The following CCDC198 variants were observed in gnomAD, a reference collection of about 807,000 sequenced individuals.
CCDC198 encodes the protein factor associated with metabolism and energy.
A neutral mutation model predicts 35.6 loss-of-function variants in CCDC198; 18 were observed. That is an observed-to-expected ratio of 0.51 (90% CI 0.35 to 0.75). The LOEUF is 0.75. Among genes scored for constraint, CCDC198 ranks in the 30% least tolerant of loss-of-function variants. CCDC198 has a pLI of 0.01. For synonymous variants in CCDC198, 119 were observed against 113.4 expected (o/e 1.05, Z -0.31); for missense variants, 365 against 343.7 (o/e 1.06, Z -0.49).
chr14:57,481,471 C>T, intron 4 of CCDC198, 88 bp downstream of exon 4: 3 of 871,802 alleles, frequency 3.4e-6, no homozygotes, highest in South Asian at 3.2e-5. Context: ...TAAGTAAAGA[C>T]TGGCTATCTA....
At chr14:57,472,240 C>T (rs1239067063) in intron 5 of CCDC198, among the ~76,000 whole-genome samples, 1 of 152,104 alleles carries the variant, frequency 6.6e-6, no homozygotes, top group Admixed American at 6.6e-5. Context: ...GAATACTCTT[C>T]TACCCTTTTC....
At chr14:57,479,318 G>A (rs1263571410) in intron 5 of CCDC198, among the ~76,000 whole-genome samples, 1 of 152,090 alleles carries the variant, frequency 6.6e-6, no homozygotes, top group Admixed American at 6.6e-5. Context: ...TGAAATCCTG[G>A]CCTCAGGTTG....
In CCDC198 at chr14:57,493,502, ATC is replaced by A; in HGVS notation, c.212_213del (p.Arg71IlefsTer11). 6.2e-7 allele frequency: 1 copy of A among 1,613,594 alleles called. No individual in the cohort carries two copies. The highest frequency in any genetic ancestry group is 8.5e-7 in the Non-Finnish European group (1 of 1,179,574). Reference sequence around the variant, plus strand: ...TGGGTTTTATGTTTACCTGTAGAATATCTTCCATACCAGTTTTCTTGTAAAGG... The same window carrying A: ...TGGGTTTTATGTTTACCTGTAGAATATTCCATACCAGTTTTCTTGTAAAGG... The part of the protein sequence containing the change: ...LPPLQENWYG[R>X]YSTASRDMYF... On this transcript the variant is annotated frameshift_variant, in exon 1 of 6. Coordinates refer to ENST00000216445, the MANE Select transcript of CCDC198 (RefSeq NM_018168.4). LOFTEE classifies it high-confidence loss of function.
At chr14:57,490,907 C>G in intron 2 of CCDC198, 82 bp downstream of exon 2, 1 of 1,272,226 alleles carries the variant, frequency 7.9e-7, no homozygotes, top group Non-Finnish European at 1.1e-6. Context: ...ATCAATATCC[C>G]TCTTTGATGA....
At chr14:57,477,667 G>A (rs145175479) in intron 5 of CCDC198, among the ~76,000 whole-genome samples, 167 of 152,178 alleles carry the variant, frequency 1.1e-3, no homozygotes, top group African/African-American at 3.9e-3. Context: ...ATTCAGATTC[G>A]GTAGGATGAA....
At position 57,479,078 on chromosome 14, in the gene CCDC198, T is replaced by C. The variant is rs1334853581; in HGVS notation, c.655+1517A>G. 2.5e-6 allele frequency: 3 copies of C among 1,222,714 alleles called. No homozygotes were observed. The East Asian group carries it at 1.7e-4, about 69-fold the overall frequency. The allele number at this position is 1,222,714 out of a possible 1,614,324, so 75.7% of individuals were successfully genotyped here. A position where few individuals can be genotyped will look rare whatever the true frequency, so the allele number is the denominator to read the frequency against. On this transcript the variant is annotated intron_variant, in intron 5 of 5. Coordinates refer to ENST00000216445, the MANE Select transcript of CCDC198 (RefSeq NM_018168.4). ...AATGGGGCTCTAATTGGTGGGGCAA[T>C]GTAGCGTAGAAGTTGTAGACAAGCC... is the stretch of plus-strand genomic sequence containing the variant.
At chr14:57,472,303 C>G (rs2066846485) in intron 5 of CCDC198, among the ~76,000 whole-genome samples, 1 of 152,188 alleles carries the variant, frequency 6.6e-6, no homozygotes, top group Non-Finnish European at 1.5e-5. Context: ...CCTCCTCTTT[C>G]TCCTCTTCTG....
intron 5 of CCDC198, chr14:57,475,599 C>A: frequency 5.2e-6 from 2 of 387,752 alleles, no homozygotes; most frequent in South Asian, 1.9e-5. Context: ...CCCAGCTACT[C>A]GGGAGGCTGA....
At chr14:57,481,939 G>A (rs557585096) in intron 3 of CCDC198, among the ~76,000 whole-genome samples, 1 of 152,102 alleles carries the variant, frequency 6.6e-6, no homozygotes, top group African/African-American at 2.4e-5. Context: ...TCTCATTTTT[G>A]GCAAGATATC....
At chr14:57,491,279 A>T (rs1430747771) in intron 1 of CCDC198, among the ~76,000 whole-genome samples, 5 of 152,074 alleles carry the variant, frequency 3.3e-5, no homozygotes, top group African/African-American at 1.2e-4. Flanking sequence ...TGGACCCAGG[A>T]TTTAATATCT....
chr14:57,491,295 C>T (rs902799291), intron 1 of CCDC198, among the ~76,000 whole-genome samples: 1 of 152,034 alleles, frequency 6.6e-6, no homozygotes, highest in African/African-American at 2.4e-5. Flanking sequence ...TATCTGCTCT[C>T]CTAACTTCCT....
chr14:57,486,072 C>T (rs2067348061), intron 2 of CCDC198, among the ~76,000 whole-genome samples: 2 of 151,926 alleles, frequency 1.3e-5, no homozygotes, highest in Admixed American at 1.3e-4. Flanking sequence ...GGAGGGGAGG[C>T]CAAGGGAGAG....
intron 1 of CCDC198, among the ~76,000 whole-genome samples, chr14:57,492,772 A>G (rs766740938): frequency 1.5e-4 from 23 of 152,040 alleles, no homozygotes; most frequent in African/African-American, 5.6e-4. Context: ...AACAATATAC[A>G]TATATATATG....
At chr14:57,480,356 AG>A in intron 5 of CCDC198, 1 of 925,968 alleles carries the variant, frequency 1.1e-6, no homozygotes, top group Non-Finnish European at 1.3e-6. Flanking sequence ...AAGCATGCAA[AG>A]CATATTAAAC....
intron 5 of CCDC198, among the ~76,000 whole-genome samples, chr14:57,472,845 C>G (rs1437096077): frequency 6.6e-6 from 1 of 152,140 alleles, no homozygotes; most frequent in African/African-American, 2.4e-5. Context: ...AAAATCTTCC[C>G]AACCACTTTG....
intron 2 of CCDC198, among the ~76,000 whole-genome samples, chr14:57,486,732 C>T (rs934729377): frequency 6.6e-6 from 1 of 152,098 alleles, no homozygotes; most frequent in South Asian, 2.1e-4. Flanking sequence ...TTTTATTAAA[C>T]TAATCTATCC....
At position 57,471,539 on chromosome 14, in the gene CCDC198, C is replaced by G. The variant is rs756311833; in HGVS notation, c.707G>C (p.Cys236Ser). ...TTCCATTTTGCCAATTTTCCAGGGA[C>G]AGTAGTTATTCACTGCTTGATGTTT... is the stretch of plus-strand genomic sequence containing the variant. ...FLKHQAVNNYCPWKIGKMETW... is the reference protein window; with the variant it reads ...FLKHQAVNNYSPWKIGKMETW... The change falls in exon 6 of 6, where the codon TGT (cysteine) becomes TCT (serine). Residue 236 changes from cysteine to serine, a missense_variant. Transcript: ENST00000216445. 1.2e-6 allele frequency: 2 copies of G among 1,613,472 alleles called. No homozygotes were observed. Among genetic ancestry groups the G allele is most frequent in the Admixed American group, 1.7e-5 (1 of 59,918 alleles).
At chr14:57,491,279 A>G (rs1430747771) in intron 1 of CCDC198, among the ~76,000 whole-genome samples, 3 of 152,074 alleles carry the variant, frequency 2.0e-5, no homozygotes, top group African/African-American at 7.2e-5. Context: ...TGGACCCAGG[A>G]TTTAATATCT....
rs866543633 is a variant in CCDC198 at position 57,489,898 on chromosome 14, T to C, written c.306+1091A>G. 5.9e-5 allele frequency among the ~76,000 whole-genome samples: 9 copies of C among 152,296 alleles called. 1 individual carries two copies. In the Middle Eastern group the frequency reaches 0.01, roughly 173 times the overall value. On this transcript the variant is annotated intron_variant, in intron 2 of 5. Coordinates refer to ENST00000216445, the MANE Select transcript of CCDC198 (RefSeq NM_018168.4). ...TAAAACACATTTTAAACTGCCCTGTTTACCTAGAGGATTTGTAAAAACTTG... is the reference window on the plus strand; with the variant it reads ...TAAAACACATTTTAAACTGCCCTGTCTACCTAGAGGATTTGTAAAAACTTG...
Sources: allele counts gnomAD v4.1 joint callset (sites outside exome capture counted in the v4.1 genomes callset), GRCh38; gene constraint gnomAD v4.1.1; transcripts MANE v1.5; gene names NCBI Gene and HGNC (gene_info 2026-07-23, HGNC 2026-07-21).